Variants in ADIPOR2 observed in about 807,000 individuals in gnomAD.
ADIPOR2 encodes the protein adiponectin receptor 2.
A neutral mutation model predicts 40.9 loss-of-function variants in ADIPOR2; 18 were observed. The observed-to-expected ratio is 0.44, with a 90% confidence interval of 0.30 to 0.65. ADIPOR2 has a LOEUF of 0.65. ADIPOR2 is among the 30% of genes least tolerant of loss of function. The probability of loss-of-function intolerance (pLI) is 0.09; values close to 1 mark genes in which losing one functional copy is unlikely to be tolerated. For synonymous variants in ADIPOR2, 165 were observed against 166.4 expected, an observed-to-expected ratio of 0.99 and a Z score of 0.06; for missense variants, 283 against 479.2, an observed-to-expected ratio of 0.59 and a Z score of 3.82.
intron 1 of ADIPOR2, among the ~76,000 whole-genome samples, chr12:1,691,453 C>G (rs930326319): frequency 6.6e-6 from 1 of 152,158 alleles, no homozygotes; most frequent in Non-Finnish European, 1.5e-5. Context: ...AGTCCGGCGC[C>G]CGCTGTTCCC....
intron 3 of ADIPOR2, among the ~76,000 whole-genome samples, chr12:1,774,409 A>G (rs1862544672): frequency 6.6e-6 from 1 of 152,264 alleles, no homozygotes; most frequent in Non-Finnish European, 1.5e-5. Flanking sequence ...TGATGACAGC[A>G]GAATGAAGAG....
At chr12:1,765,841 CCCA>C (rs1451233303) in intron 2 of ADIPOR2, among the ~76,000 whole-genome samples, 52 of 152,236 alleles carry the variant, frequency 3.4e-4, no homozygotes, top group African/African-American at 1.2e-3. Context: ...TGTCCACTCC[CCCA>C]TCAGCTTTTC....
intron 4 of ADIPOR2, 91 bp downstream of exon 4, chr12:1,778,116 T>A: frequency 2.9e-6 from 4 of 1,377,410 alleles, no homozygotes; most frequent in Non-Finnish European, 3.8e-6. Flanking sequence ...ACTTCAGAAA[T>A]GTATTTGGAT....
At chr12:1,764,610 A>C (rs1158314658) in intron 2 of ADIPOR2, among the ~76,000 whole-genome samples, 2 of 62,046 alleles carry the variant, frequency 3.2e-5, no homozygotes, top group African/African-American at 6.1e-5. Context: ...TTGTAAGTGG[A>C]TAGTCTGATA....
chr12:1,729,165 C>T (rs1001433124), intron 1 of ADIPOR2, among the ~76,000 whole-genome samples: 1 of 152,050 alleles, frequency 6.6e-6, no homozygotes, highest in Admixed American at 6.5e-5. Context: ...CTTCCCCATT[C>T]TTCCTGGAAT....
chr12:1,764,396 A>C (rs1050839535), intron 2 of ADIPOR2, among the ~76,000 whole-genome samples: 1 of 152,136 alleles, frequency 6.6e-6, no homozygotes, highest in Non-Finnish European at 1.5e-5. Flanking sequence ...TGGACTAGTA[A>C]ATAATTTTGA....
rs182035626 is a variant in ADIPOR2, at chr12:1,783,938, G to A, written c.897G>A (p.Ser299=). 1.3e-5 allele frequency: 21 copies of A among 1,613,650 alleles called. No individual in the cohort carries two copies. Among genetic ancestry groups the A allele is most frequent in the Admixed American group, 8.3e-5 (5 of 59,984 alleles). ...TTCCTACCTTGCACTATGTCATCTC[G>A]GAGGGGTTCCTTAAGGCCGCCACCA... The part of the protein sequence containing the change: ...GIIPTLHYVI[S]EGFLKAATIG... The change falls in exon 7 of 8, where the codon TCG becomes TCA. Residue 299 remains serine, a synonymous_variant. Transcript: ENST00000357103.
intron 1 of ADIPOR2, among the ~76,000 whole-genome samples, chr12:1,703,730 T>C (rs548800989): frequency 6.6e-6 from 1 of 152,006 alleles, no homozygotes; most frequent in African/African-American, 2.4e-5. Flanking sequence ...AATAAATAAA[T>C]AAATAAATAA....
Position 1,772,710 on chromosome 12 carries a change from A to G in ADIPOR2, c.172-132A>G, listed in dbSNP as rs1050542092. On this transcript the variant is annotated intron_variant, in intron 2 of 7. Transcript: ENST00000357103. ...TAATTCTATAATAAACTGACTTACTATATTGTTGATTCTTGTCTAAGGCCT... is the reference window on the plus strand; with the variant it reads ...TAATTCTATAATAAACTGACTTACTGTATTGTTGATTCTTGTCTAAGGCCT... 26 of 1,119,286 alleles carry G rather than the reference A, an allele frequency of 2.3e-5. No individual in the cohort carries two copies. In the Admixed American group the frequency reaches 4.3e-4, roughly 18 times the overall value. The allele number at this position is 1,119,286 out of a possible 1,614,324, so 69.3% of individuals were successfully genotyped here. A position where few individuals can be genotyped will look rare whatever the true frequency, so the allele number is the denominator to read the frequency against.
At chr12:1,739,222 C>A (rs915650297) in intron 1 of ADIPOR2, among the ~76,000 whole-genome samples, 1 of 152,198 alleles carries the variant, frequency 6.6e-6, no homozygotes, top group Non-Finnish European at 1.5e-5. Context: ...GCCTTTATGT[C>A]TTTGCGTGTA....
At chr12:1,718,239 A>G (rs1209110695) in intron 1 of ADIPOR2, among the ~76,000 whole-genome samples, 1 of 152,154 alleles carries the variant, frequency 6.6e-6, no homozygotes, top group Non-Finnish European at 1.5e-5. Flanking sequence ...GTGATGGTAT[A>G]AAGTGACTCT....
chr12:1,748,238 A>C (rs2094760142), intron 1 of ADIPOR2, among the ~76,000 whole-genome samples: 2 of 151,250 alleles, frequency 1.3e-5, no homozygotes, highest in Admixed American at 6.6e-5. Flanking sequence ...GCTTTCCTTT[A>C]CTTTTATTAT....
At chr12:1,742,048 A>T (rs34375871) in intron 1 of ADIPOR2, among the ~76,000 whole-genome samples, 1 of 151,178 alleles carries the variant, frequency 6.6e-6, no homozygotes, top group African/African-American at 2.4e-5. Context: ...TGAACTCCCA[A>T]TGAGGAGTCA....
chr12:1,761,167 C>A (rs2154443785), intron 2 of ADIPOR2, among the ~76,000 whole-genome samples: 1 of 152,134 alleles, frequency 6.6e-6, no homozygotes, highest in East Asian at 1.9e-4. Flanking sequence ...TATATAGGGT[C>A]CAGCAGTATC....
intron 1 of ADIPOR2, among the ~76,000 whole-genome samples, chr12:1,724,925 T>A (rs2094704821): frequency 6.6e-6 from 1 of 152,122 alleles, no homozygotes; most frequent in South Asian, 2.1e-4. Flanking sequence ...AGATAATGAC[T>A]GAACAACTGT....
rs1862070613 is a variant in ADIPOR2 at position 1,754,525 on chromosome 12, T to A, written c.171+11T>A. The A allele has an allele frequency of 1.9e-6, 3 of 1,589,438 alleles. No individual in the cohort carries two copies. Among genetic ancestry groups the A allele is most frequent in the Non-Finnish European group, 2.6e-6 (3 of 1,169,036 alleles). ...TCCCATCATAAAAAAGTAAGTCAAA[T>A]TGGAAGAATGATAAACAAAGGAAAA... On this transcript the variant is annotated intron_variant, in intron 2 of 7. Transcript: ENST00000357103.
intron 1 of ADIPOR2, among the ~76,000 whole-genome samples, chr12:1,723,221 G>T (rs1301329606): frequency 6.6e-6 from 1 of 152,116 alleles, no homozygotes; most frequent in Non-Finnish European, 1.5e-5. Flanking sequence ...ATCGAACATG[G>T]ATCATGTTTA....
In ADIPOR2 at chr12:1,787,046, G is replaced by C. The variant is rs561442561; in HGVS notation, c.*974G>C. ...CCTGGCATCCCGCTCACTTTTATGG[G>C]AAGTCTTATTAGAGGGATGGGACAG... On this transcript the variant is annotated 3_prime_UTR_variant, in exon 8 of 8. Transcript: ENST00000357103. 2.0e-5 allele frequency: 3 copies of C among 152,214 alleles called. No individual in the cohort carries two copies. Among genetic ancestry groups the C allele is most frequent in the Non-Finnish European group, 2.9e-5 (2 of 68,058 alleles). The allele number at this position is 152,214 out of a possible 1,614,324, so 9.4% of individuals were successfully genotyped here. A position where few individuals can be genotyped will look rare whatever the true frequency, so the allele number is the denominator to read the frequency against.
At chr12:1,726,699 G>A (rs2094708703) in intron 1 of ADIPOR2, among the ~76,000 whole-genome samples, 1 of 151,202 alleles carries the variant, frequency 6.6e-6, no homozygotes. Context: ...ATCCACTGTT[G>A]TGCCAGTAAC....
Sources: allele counts gnomAD v4.1 joint callset (sites outside exome capture counted in the v4.1 genomes callset), GRCh38; gene constraint gnomAD v4.1.1; transcripts MANE v1.5; gene names NCBI Gene and HGNC (gene_info 2026-07-23, HGNC 2026-07-21).